POU6F2: variants seen among roughly 807,000 people sequenced by gnomAD.
POU6F2 encodes POU domain, class 6, transcription factor 2.
POU6F2 carries 31 observed loss-of-function variants against 71.3 expected under a neutral mutation model. That is an observed-to-expected ratio of 0.43 (90% CI 0.33 to 0.59). POU6F2 has a LOEUF of 0.59. Ranked by LOEUF, POU6F2 falls within the 20% of genes least tolerant of loss-of-function variation. POU6F2 has a pLI of 0.04. For missense variants in POU6F2, 783 were observed against 856.8 expected (o/e 0.91, Z 1.07); for synonymous variants, 347 against 355.7 (o/e 0.98, Z 0.27).
intron 2 of POU6F2, 40 bp from the exon 3 acceptor site, chr7:39,204,195 G>A (rs1165977673): frequency 6.5e-7 from 1 of 1,550,238 alleles, no homozygotes; most frequent in Non-Finnish European, 8.9e-7. Flanking sequence ...TTCCCAAGCT[G>A]GATCATATAT....
At chr7:39,439,880 T>TAAA (rs35905089) in intron 7 of POU6F2, among the ~76,000 whole-genome samples, 33,880 of 151,720 alleles carry the variant, frequency 0.22, 4,316 homozygotes, top group East Asian at 0.51. Flanking sequence ...GGTATGGTGG[T>TAAA]AAAAAAAATG....
intron 1 of POU6F2, among the ~76,000 whole-genome samples, chr7:39,067,572 TGTC>T (rs1265067783): frequency 6.6e-6 from 1 of 152,082 alleles, no homozygotes; most frequent in Non-Finnish European, 1.5e-5. Flanking sequence ...CTAATCTCAA[TGTC>T]ATCATCAATA....
chr7:39,291,198 C>A (rs187046325), intron 4 of POU6F2, among the ~76,000 whole-genome samples: 8 of 152,278 alleles, frequency 5.3e-5, no homozygotes, highest in Admixed American at 2.0e-4. Flanking sequence ...CCCATCTAAT[C>A]ACCACTGTCT....
chr7:39,440,809 T>G (rs1562553892), intron 7 of POU6F2, among the ~76,000 whole-genome samples: 1 of 152,226 alleles, frequency 6.6e-6, no homozygotes, highest in Non-Finnish European at 1.5e-5. Context: ...CTTTCTCATC[T>G]TTGTGAGTTT....
At chr7:39,224,764 G>A (rs1378741270) in intron 4 of POU6F2, among the ~76,000 whole-genome samples, 1 of 152,228 alleles carries the variant, frequency 6.6e-6, no homozygotes, top group East Asian at 1.9e-4. Context: ...ATGACTGACA[G>A]CACATTCATT....
intron 5 of POU6F2, among the ~76,000 whole-genome samples, chr7:39,354,153 CAAG>C (rs1158815466): frequency 6.6e-6 from 1 of 152,148 alleles, no homozygotes; most frequent in African/African-American, 2.4e-5. Flanking sequence ...GGAGGGTAAA[CAAG>C]AAATATTTTC....
chr7:39,007,931 G>A (rs1018801379), intron 1 of POU6F2, among the ~76,000 whole-genome samples: 10 of 151,238 alleles, frequency 6.6e-5, no homozygotes, highest in Non-Finnish European at 1.3e-4. Flanking sequence ...TATCATTGTT[G>A]GACATTTGAG....
intron 4 of POU6F2, among the ~76,000 whole-genome samples, chr7:39,325,696 G>A (rs972166062): frequency 3.3e-5 from 5 of 152,204 alleles, no homozygotes; most frequent in Middle Eastern, 3.4e-3. Context: ...ATAAGCACTG[G>A]CCCATGTGTC....
chr7:39,399,344 G>A (rs572989805), intron 5 of POU6F2, among the ~76,000 whole-genome samples: 19 of 152,182 alleles, frequency 1.2e-4, no homozygotes, highest in Middle Eastern at 3.4e-3. Context: ...ATAAATGCTC[G>A]GTCCCACAAG....
intron 5 of POU6F2, among the ~76,000 whole-genome samples, chr7:39,369,427 T>C (rs1786565277): frequency 2.6e-5 from 4 of 151,164 alleles, no homozygotes; most frequent in Non-Finnish European, 4.4e-5. Flanking sequence ...AATGGTGTGA[T>C]CTCGGCTCAC....
At position 39,321,444 on chromosome 7, in the gene POU6F2, C is replaced by T. The variant is rs1785388430; in HGVS notation, c.599-18198C>T. The stretch of plus-strand genomic sequence containing the variant: ...GTGTGAAATGACGTGCAGTGGGCAG[C>T]TGGAGTGTGAGGTTACACCCAGAAG... On this transcript the variant is annotated intron_variant, in intron 4 of 9. Coordinates refer to ENST00000518318, the MANE Select transcript of POU6F2 (RefSeq NM_001370959.1). 1.3e-5 allele frequency among the ~76,000 whole-genome samples: 2 copies of T among 152,066 alleles called. 1 individual carries two copies. Among genetic ancestry groups the T allele is most frequent in the East Asian group, 3.9e-4 (2 of 5,194 alleles).
At chr7:39,066,131 G>A (rs73122417) in intron 1 of POU6F2, among the ~76,000 whole-genome samples, 12,296 of 151,644 alleles carry the variant, frequency 0.081, 691 homozygotes, top group Non-Finnish European at 0.12. Flanking sequence ...TTATCTGCAC[G>A]ATACTTTAGG....
chr7:39,308,395 T>C (rs1268134194), intron 4 of POU6F2, among the ~76,000 whole-genome samples: 1 of 152,064 alleles, frequency 6.6e-6, no homozygotes, highest in African/African-American at 2.4e-5. Context: ...TGTGAGGGCC[T>C]CCCCCAGGTG....
intron 7 of POU6F2, among the ~76,000 whole-genome samples, chr7:39,436,801 A>G (rs1562552359): frequency 6.6e-6 from 1 of 152,218 alleles, no homozygotes; most frequent in Non-Finnish European, 1.5e-5. Context: ...TGTTCCATCA[A>G]TACCTAGTTT....
At chr7:39,069,400 C>T (rs1291012057) in intron 1 of POU6F2, among the ~76,000 whole-genome samples, 2 of 152,160 alleles carry the variant, frequency 1.3e-5, no homozygotes, top group Non-Finnish European at 2.9e-5. Flanking sequence ...CTTTCATGCC[C>T]GGAGAGTCCC....
At chr7:39,186,466 T>C (rs1247231883) in intron 2 of POU6F2, among the ~76,000 whole-genome samples, 1 of 152,054 alleles carries the variant, frequency 6.6e-6, no homozygotes, top group African/African-American at 2.4e-5. Flanking sequence ...AGTCCACCTA[T>C]ATCTACATGT....
intron 5 of POU6F2, among the ~76,000 whole-genome samples, chr7:39,389,403 A>C (rs1265467950): frequency 6.6e-6 from 1 of 152,212 alleles, no homozygotes; most frequent in Non-Finnish European, 1.5e-5. Context: ...CTTTGGTTAT[A>C]TCCAAAGTTT....
intron 2 of POU6F2, among the ~76,000 whole-genome samples, chr7:39,173,401 C>T (rs1240764608): frequency 6.6e-6 from 1 of 152,178 alleles, no homozygotes; most frequent in African/African-American, 2.4e-5. Context: ...GTCTGTAAAA[C>T]AGGAATAGTC....
In POU6F2 at chr7:39,460,336, G is replaced by C. The variant is rs1480005358; in HGVS notation, c.1490-211G>C. Among the ~76,000 whole-genome samples, 3 of 152,344 alleles carry C rather than the reference G, an allele frequency of 2.0e-5. No individual in the cohort carries two copies. Among genetic ancestry groups the C allele is most frequent in the Middle Eastern group, 3.4e-3 (1 of 294 alleles). ...ACAAGCTGTGGTTTTATCTGGGACAGAAACATCTCGAAGGATGATTTGTGG... is the reference window on the plus strand; with the variant it reads ...ACAAGCTGTGGTTTTATCTGGGACACAAACATCTCGAAGGATGATTTGTGG... On this transcript the variant is annotated intron_variant, in intron 8 of 9. Transcript: ENST00000518318. This position sits in a 1 kb window ranked among gnomAD's most constrained non-coding sequence, Gnocchi z 4.4.
Sources: allele counts gnomAD v4.1 joint callset (sites outside exome capture counted in the v4.1 genomes callset), GRCh38; gene constraint gnomAD v4.1.1; non-coding constraint Gnocchi (gnomAD v3.1); transcripts MANE v1.5; gene names NCBI Gene and HGNC (gene_info 2026-07-23, HGNC 2026-07-21).